The following NUMA1 variants were observed in gnomAD, a reference collection of about 807,000 sequenced individuals.
NUMA1 encodes the protein nuclear mitotic apparatus protein 1.
A neutral mutation model predicts 237.1 loss-of-function variants in NUMA1; 62 were observed. The ratio of observed to expected loss-of-function variants is 0.26; its 90% CI spans 0.21 to 0.32. NUMA1 has a LOEUF of 0.32. Ranked by LOEUF, NUMA1 falls within the 10% of genes least tolerant of loss-of-function variation. The probability of loss-of-function intolerance (pLI) is 1.00; values close to 1 mark genes in which losing one functional copy is unlikely to be tolerated. For synonymous variants in NUMA1, 1,028 were observed against 1,066.1 expected (o/e 0.96, Z 0.70); for missense variants, 2,533 against 2,666.5 (o/e 0.95, Z 1.10).
chr11:72,057,130 T>C (rs1942700458), intron 2 of NUMA1, among the ~76,000 whole-genome samples: 1 of 151,318 alleles, frequency 6.6e-6, no homozygotes, highest in South Asian at 2.1e-4. Context: ...TATTCTAATC[T>C]CAAAAGGTAG....
chr11:72,031,973 A>T (rs63722560), intron 3 of NUMA1, among the ~76,000 whole-genome samples: 23 of 33,274 alleles, frequency 6.9e-4, no homozygotes, highest in South Asian at 3.6e-3. Flanking sequence ...CCAAAAAATT[A>T]AAAAAAAAAA....
In NUMA1 at chr11:72,065,822, C is replaced by G. The variant is rs371277239; in HGVS notation, c.-33+4020G>C. ...CCTAAGAAAATCATCTTTGGTGGGTCAGTGAGCTCAGTTTAAAGGGACACA... is the reference window on the plus strand; with the variant it reads ...CCTAAGAAAATCATCTTTGGTGGGTGAGTGAGCTCAGTTTAAAGGGACACA... On this transcript the variant is annotated intron_variant, in intron 2 of 26. Coordinates refer to ENST00000393695, the MANE Select transcript of NUMA1 (RefSeq NM_006185.4). 3 of 152,164 alleles carry G rather than the reference C, an allele frequency of 2.0e-5. No homozygotes were observed. In the East Asian group the frequency reaches 5.8e-4, roughly 29 times the overall value. The allele number at this position is 152,164 out of a possible 1,614,324, so 9.4% of individuals were successfully genotyped here. A position where few individuals can be genotyped will look rare whatever the true frequency, so the allele number is the denominator to read the frequency against.
chr11:72,069,371 A>C (rs770028698), intron 2 of NUMA1, among the ~76,000 whole-genome samples: 17 of 152,026 alleles, frequency 1.1e-4, no homozygotes, highest in Non-Finnish European at 1.9e-4. Context: ...CAGACACCCA[A>C]ACTCCCAGCA....
rs769438494 is a variant in NUMA1 at position 72,019,603 on chromosome 11, T to C, written c.475A>G (p.Thr159Ala). The C allele has an allele frequency of 1.8e-5, 29 of 1,613,484 alleles. No individual in the cohort carries two copies. Among genetic ancestry groups the C allele is most frequent in the Non-Finnish European group, 2.5e-5 (29 of 1,179,708 alleles). ...TCTTCAGGGAATGTGCTAGAACAGG[T>C]AGAAGGCACAGGAGCTGGGGGTAAG... ...NFLQKAPVPS[T>A]CSSTFPEELS... The change falls in exon 9 of 27, where the codon ACC (threonine) becomes GCC (alanine). Residue 159 changes from threonine (T) to alanine (A), a missense_variant. Physicochemically the swap from Thr to Ala is moderately conservative, Grantham distance 58. This residue lies in a region of NUMA1 where 1,414 missense variants were observed against 1,508.1 expected (regional missense o/e 0.94). Transcript: ENST00000393695.
intron 2 of NUMA1, among the ~76,000 whole-genome samples, chr11:72,069,509 C>A (rs774852007): frequency 2.0e-5 from 3 of 152,154 alleles, no homozygotes; most frequent in Non-Finnish European, 4.4e-5. Context: ...TTCTGAAACC[C>A]AGTAGCAGAG....
At position 72,029,207 on chromosome 11, in the gene NUMA1, T is replaced by C. The variant is rs748797273; in HGVS notation, c.126A>G (p.Arg42=). 1 of 1,610,478 alleles carries C rather than the reference T, an allele frequency of 6.2e-7. No homozygotes were observed. The highest frequency in any genetic ancestry group is 8.5e-7 in the Non-Finnish European group (1 of 1,178,636). The change falls in exon 4 of 27, where the codon AGA becomes AGG. Residue 42 remains arginine (R), a splice_region_variant and synonymous_variant. Coordinates refer to ENST00000393695, the MANE Select transcript of NUMA1 (RefSeq NM_006185.4). Reference sequence around the variant, plus strand: ...AAAGGGGTATGGTGCGTACTCACATTCTGTCAATGATCTTGATGAAGATGC... The same window carrying C: ...AAAGGGGTATGGTGCGTACTCACATCCTGTCAATGATCTTGATGAAGATGC... The part of the protein sequence containing the change: ...DCSIFIKIID[R]IHGTEEGQQI...
chr11:72,032,227 AAT>A (rs1398477362), intron 3 of NUMA1, among the ~76,000 whole-genome samples: 9 of 152,172 alleles, frequency 5.9e-5, no homozygotes, highest in Non-Finnish European at 2.9e-5. Context: ...CGTGAAATAA[AAT>A]ATGACTTATT....
chr11:72,019,695 G>C, intron 8 of NUMA1, 78 bp from the exon 9 acceptor site: 23 of 1,501,598 alleles, frequency 1.5e-5, no homozygotes, highest in Non-Finnish European at 2.0e-5. Flanking sequence ...TATGCAATTT[G>C]AGAACTCGCC....
At position 72,009,161 on chromosome 11, in the gene NUMA1, C is replaced by A; in HGVS notation, c.4864G>T (p.Asp1622Tyr). The change falls in exon 19 of 27, where the codon GAT becomes TAT. Residue 1622 changes from aspartate to tyrosine, a missense_variant. Transcript: ENST00000393695. ...TCTTGGTTCTGCTGCTTCTTGGCAT[C>A]ATAATGTGTTTTGGCTTTCTCCATC... The part of the protein sequence containing the change: ...LQMEKAKTHY[D>Y]AKKQQNQELQ... 7.5e-7 allele frequency: 1 copy of A among 1,328,852 alleles called. No homozygotes were observed. Among genetic ancestry groups the A allele is most frequent in the Non-Finnish European group, 9.9e-7 (1 of 1,012,654 alleles). The allele number at this position is 1,328,852 out of a possible 1,614,324, so 82.3% of individuals were successfully genotyped here.
chr11:72,067,695 T>A (rs569437472), intron 2 of NUMA1: 1 of 152,358 alleles, frequency 6.6e-6, no homozygotes, highest in African/African-American at 2.4e-5. Context: ...ACCTCAAACC[T>A]TCTTAGGCTT....
intron 2 of NUMA1, among the ~76,000 whole-genome samples, chr11:72,056,890 C>T (rs764727144): frequency 1.3e-5 from 2 of 151,382 alleles, no homozygotes; most frequent in African/African-American, 2.4e-5. Context: ...CAGGAAAGGG[C>T]GGAGATTTTT....
intron 3 of NUMA1, among the ~76,000 whole-genome samples, chr11:72,034,664 C>T (rs781686568): frequency 1.3e-5 from 2 of 151,718 alleles, no homozygotes; most frequent in South Asian, 2.1e-4. Flanking sequence ...GCCGAGATCA[C>T]GCCACTGCAC....
intron 2 of NUMA1, 57 bp downstream of exon 2, chr11:72,069,785 T>A (rs1241226766): frequency 6.6e-6 from 1 of 152,248 alleles, no homozygotes; most frequent in Non-Finnish European, 1.5e-5. Context: ...GTAGAGATCC[T>A]GCTCAGGACA....
intron 16 of NUMA1, 68 bp downstream of exon 16, chr11:72,012,333 C>T: frequency 1.3e-6 from 2 of 1,485,284 alleles, no homozygotes; most frequent in Non-Finnish European, 1.9e-6. Flanking sequence ...CAAGCTGCAG[C>T]CGGGCTCATG....
chr11:72,010,242 T>C (rs1956054517), intron 17 of NUMA1, among the ~76,000 whole-genome samples: 1 of 152,230 alleles, frequency 6.6e-6, no homozygotes, highest in South Asian at 2.1e-4. Context: ...TGCCCCTGAC[T>C]GAAGGCTGTG....
At chr11:72,060,416 T>C (rs950558351) in intron 2 of NUMA1, among the ~76,000 whole-genome samples, 21 of 152,180 alleles carry the variant, frequency 1.4e-4, no homozygotes, top group African/African-American at 4.3e-4. Context: ...GGTGGTGGAC[T>C]GCTTGCTGTT....
chr11:72,003,392 G>A lies in NUMA1; in HGVS notation c.*135C>T. The A allele has an allele frequency of 1.2e-6, 1 of 863,110 alleles. No homozygotes were observed. The highest frequency in any genetic ancestry group is 2.0e-6 in the Non-Finnish European group (1 of 510,292). The allele number at this position is 863,110 out of a possible 1,614,324, so 53.5% of individuals were successfully genotyped here. ...CAGGGACCAGGCCAGGGTGCGGGCA[G>A]GCATCACTGTCTCTAGGGGTTTGGC... is the stretch of plus-strand genomic sequence containing the variant. On this transcript the variant is annotated 3_prime_UTR_variant, in exon 27 of 27. Coordinates refer to ENST00000393695, the MANE Select transcript of NUMA1 (RefSeq NM_006185.4).
At chr11:72,027,701 TTGA>T (rs1939763357) in intron 4 of NUMA1, among the ~76,000 whole-genome samples, 1 of 152,136 alleles carries the variant, frequency 6.6e-6, no homozygotes, top group African/African-American at 2.4e-5. Context: ...TCACTGAGGT[TTGA>T]TGAAGAGTCA....
intron 20 of NUMA1, chr11:72,007,988 G>T: frequency 2.5e-6 from 1 of 402,346 alleles, no homozygotes; most frequent in East Asian, 6.5e-5. Flanking sequence ...CTCAGGCCAG[G>T]CTGCCCAGGG....
Sources: allele counts gnomAD v4.1 joint callset (sites outside exome capture counted in the v4.1 genomes callset), GRCh38; gene constraint gnomAD v4.1.1; regional missense constraint gnomAD v4.1.1; transcripts MANE v1.5; gene names NCBI Gene and HGNC (gene_info 2026-07-23, HGNC 2026-07-21).